The following HSD17B4 variants were observed in gnomAD, a reference collection of about 807,000 sequenced individuals.
HSD17B4 encodes hydroxysteroid 17-beta dehydrogenase 4.
HSD17B4 carries 70 observed loss-of-function variants against 101.0 expected under a neutral mutation model. The ratio of observed to expected loss-of-function variants is 0.69; its 90% confidence interval spans 0.57 to 0.85. The LOEUF is 0.85. Among genes scored for constraint, HSD17B4 ranks in the 40% least tolerant of loss-of-function variants. The pLI is 0.00. For missense variants in HSD17B4, 984 were observed against 892.4 expected, an observed-to-expected ratio of 1.10 and a Z score of -1.31; for synonymous variants, 347 against 297.1, an observed-to-expected ratio of 1.17 and a Z score of -1.73.
chr5:119,515,157 T>G, intron 17 of HSD17B4, 111 bp downstream of exon 17: 1 of 725,110 alleles, frequency 1.4e-6, no homozygotes. Context: ...GAATAATATG[T>G]TATTATTCAA....
chr5:119,541,993 G>A lies in HSD17B4; in HGVS notation c.2210G>A (p.Ter737=). 6.3e-7 allele frequency: 1 copy of A among 1,596,982 alleles called. No homozygotes were observed. Among genetic ancestry groups the A allele is most frequent in the Non-Finnish European group, 8.6e-7 (1 of 1,164,986 alleles). The change falls in exon 24 of 24, where the codon TGA becomes TAA. Residue 737 remains the stop codon, a stop_retained_variant. Coordinates refer to ENST00000510025, the MANE Select transcript of HSD17B4 (RefSeq NM_000414.4). ...QMILKDYAKL[*] is the part of the protein sequence containing the mutation. ...ATTCTTAAAGACTACGCCAAGCTCT[G>A]AAGGGCACACTACACTATTAATAAA...
At position 119,506,883 on chromosome 5, in the gene HSD17B4, A is replaced by G. The variant is rs201767875; in HGVS notation, c.1327A>G (p.Met443Val). 1 of 1,485,588 alleles carries G rather than the reference A, an allele frequency of 6.7e-7. No homozygotes were observed. Among genetic ancestry groups the G allele is most frequent in the Non-Finnish European group, 9.4e-7 (1 of 1,064,386 alleles). 92.0% of individuals were successfully genotyped at this position (1,485,588 alleles called of 1,614,324 possible). A position where few individuals can be genotyped will look rare whatever the true frequency, so the allele number is the denominator to read the frequency against. Residue 443 changes from methionine to valine, a missense_variant, in exon 15 of 24, where the codon ATG becomes GTG. Coordinates refer to ENST00000510025, the MANE Select transcript of HSD17B4 (RefSeq NM_000414.4). ...TAAAGGATCCGGTGTAGTGATTATT[A>G]TGGATGGTAATTTATTTACAATTCT... ...LDKGSGVVII[M>V]DVYSYSEKEL...
chr5:119,515,215 T>A (rs924454598), intron 17 of HSD17B4, among the ~76,000 whole-genome samples, 169 bp downstream of exon 17: 7 of 152,300 alleles, frequency 4.6e-5, no homozygotes, highest in African/African-American at 7.2e-5. Flanking sequence ...GTTATTTTTT[T>A]AATTTTTAGT....
In HSD17B4 at chr5:119,529,896, C is replaced by G. The variant is rs1480937372; in HGVS notation, c.1770C>G (p.Val590=). 6.3e-7 allele frequency: 1 copy of G among 1,587,010 alleles called. No individual in the cohort carries two copies. Among genetic ancestry groups the G allele is most frequent in the Non-Finnish European group, 8.6e-7 (1 of 1,156,618 alleles). The part of the protein sequence containing the change: ...EGNRIHFQTK[V]QETGDIVISN... ...TTTTTTTTTCTTCTCCTCCTAAGGT[C>G]CAAGAAACTGGAGACATTGTCATTT... Residue 590 remains valine, a splice_region_variant and synonymous_variant, in exon 21 of 24, where the codon GTC becomes GTG. Coordinates refer to ENST00000510025, the MANE Select transcript of HSD17B4 (RefSeq NM_000414.4).
At chr5:119,501,446 C>A (rs890555411) in intron 13 of HSD17B4, among the ~76,000 whole-genome samples, 1 of 151,646 alleles carries the variant, frequency 6.6e-6, no homozygotes, top group African/African-American at 2.4e-5. Context: ...TCCTATATAC[C>A]TTGGTGCATT....
intron 9 of HSD17B4, 106 bp downstream of exon 9, chr5:119,489,389 A>G (rs1017410831): frequency 3.9e-6 from 3 of 771,962 alleles, no homozygotes; most frequent in Admixed American, 2.0e-5. Flanking sequence ...TATTGTGTCT[A>G]TGTTATAATT....
At chr5:119,503,637 C>T (rs1751390596) in intron 14 of HSD17B4, among the ~76,000 whole-genome samples, 1 of 151,978 alleles carries the variant, frequency 6.6e-6, no homozygotes, top group African/African-American at 2.4e-5. Flanking sequence ...CTTAATGGCT[C>T]ATTTGTTGGC....
At chr5:119,525,071 G>C in intron 17 of HSD17B4, 145 bp from the exon 18 acceptor site, 2 of 606,322 alleles carry the variant, frequency 3.3e-6, no homozygotes, top group Admixed American at 2.8e-5. Flanking sequence ...AATCTTTATT[G>C]TTAAAAATAA....
intron 11 of HSD17B4, among the ~76,000 whole-genome samples, chr5:119,496,298 A>G (rs1054884725): frequency 1.3e-5 from 2 of 152,192 alleles, no homozygotes; most frequent in Non-Finnish European, 1.5e-5. Flanking sequence ...TCAGATAACC[A>G]GGGAAGGATA....
intron 6 of HSD17B4, 30 bp from the exon 7 acceptor site, chr5:119,477,387 A>G: frequency 6.8e-7 from 1 of 1,464,404 alleles, no homozygotes; most frequent in Non-Finnish European, 9.5e-7. Context: ...TTTTTACAAA[A>G]TATTTAATAA....
intron 2 of HSD17B4, among the ~76,000 whole-genome samples, chr5:119,464,379 G>A (rs257979): frequency 0.27 from 40,596 of 151,980 alleles, 6,523 homozygotes; most frequent in East Asian, 0.4. Flanking sequence ...ATGAGAGGTA[G>A]GGGTCTATTT....
intron 14 of HSD17B4, 127 bp downstream of exon 14, chr5:119,502,219 A>G: frequency 2.9e-6 from 2 of 697,558 alleles, no homozygotes; most frequent in Non-Finnish European, 5.1e-6. Flanking sequence ...TGTTATGCAC[A>G]TGTGAGCCAT....
At chr5:119,455,827 G>A (rs1754577698) in intron 1 of HSD17B4, among the ~76,000 whole-genome samples, 1 of 152,118 alleles carries the variant, frequency 6.6e-6, no homozygotes, top group African/African-American at 2.4e-5. Context: ...CATTGGAGCT[G>A]TGCCACAGCC....
chr5:119,535,943 G>A (rs1754494763), intron 22 of HSD17B4: 1 of 187,772 alleles, frequency 5.3e-6, no homozygotes. Flanking sequence ...ATTCTCATCT[G>A]TTACCTCACC....
chr5:119,507,398 T>C (rs1182300413), intron 15 of HSD17B4, among the ~76,000 whole-genome samples: 1 of 152,238 alleles, frequency 6.6e-6, no homozygotes, highest in African/African-American at 2.4e-5. Flanking sequence ...CACAGCCACA[T>C]TTTATTTGCA....
chr5:119,503,283 C>T (rs57592998), intron 14 of HSD17B4, among the ~76,000 whole-genome samples: 4,303 of 151,904 alleles, frequency 0.028, 189 homozygotes, highest in African/African-American at 0.096. Flanking sequence ...TTTTAAAATA[C>T]GAAAAGAGAG....
At chr5:119,457,946 T>A (rs1221746894) in intron 2 of HSD17B4, among the ~76,000 whole-genome samples, 1 of 152,204 alleles carries the variant, frequency 6.6e-6, no homozygotes, top group Admixed American at 6.5e-5. Context: ...TAAACCTGTT[T>A]TGTAAAAAAT....
intron 2 of HSD17B4, among the ~76,000 whole-genome samples, chr5:119,463,465 T>G (rs1187032298): frequency 1.3e-5 from 2 of 151,936 alleles, no homozygotes; most frequent in African/African-American, 2.4e-5. Context: ...CTAATTTACA[T>G]TTCCACCAAT....
At chr5:119,534,499 G>A (rs915688435) in intron 22 of HSD17B4, among the ~76,000 whole-genome samples, 2 of 151,980 alleles carry the variant, frequency 1.3e-5, no homozygotes, top group East Asian at 3.8e-4. Flanking sequence ...TTGGGAACTG[G>A]CATTCTTTTG....
Sources: allele counts gnomAD v4.1 joint callset (sites outside exome capture counted in the v4.1 genomes callset), GRCh38; gene constraint gnomAD v4.1.1; transcripts MANE v1.5; gene names NCBI Gene and HGNC (gene_info 2026-07-23, HGNC 2026-07-21).